KIAA0319L: variants seen among roughly 807,000 people sequenced by gnomAD.
The protein encoded by KIAA0319L is KIAA0319 like, also known as dyslexia-associated protein KIAA0319-like protein.
In KIAA0319L, 55 loss-of-function variants were observed where a neutral mutation model predicts 120.1. The ratio of observed to expected loss-of-function variants is 0.46; its 90% CI spans 0.37 to 0.57. The LOEUF (loss-of-function observed/expected upper bound fraction) is 0.57. KIAA0319L is among the 20% of genes least tolerant of loss of function. The pLI is 0.00. For missense variants in KIAA0319L, 1,049 were observed against 1,255.3 expected (o/e 0.84, Z 2.48); for synonymous variants, 398 against 471.9 (o/e 0.84, Z 2.03).
intron 9 of KIAA0319L, among the ~76,000 whole-genome samples, chr1:35,460,035 A>G (rs956252478): frequency 2.0e-5 from 3 of 152,186 alleles, no homozygotes; most frequent in Admixed American, 6.5e-5. Flanking sequence ...AATCCTAAAA[A>G]AAATTTTTGG....
intron 2 of KIAA0319L, among the ~76,000 whole-genome samples, chr1:35,549,877 T>C (rs897014727): frequency 9.9e-5 from 15 of 152,238 alleles, no homozygotes; most frequent in East Asian, 3.8e-4. Flanking sequence ...GCATCTACTA[T>C]GTGCCTTGGT....
intron 10 of KIAA0319L, 162 bp from the exon 11 acceptor site, chr1:35,454,647 A>T (rs773784303): frequency 9.2e-6 from 13 of 1,410,854 alleles, no homozygotes; most frequent in African/African-American, 1.4e-5. Context: ...GGAGTCAGAT[A>T]TCATGAGGCA....
intron 13 of KIAA0319L, among the ~76,000 whole-genome samples, chr1:35,451,144 T>C (rs1049986969): frequency 2.6e-5 from 4 of 152,204 alleles, no homozygotes; most frequent in Non-Finnish European, 5.9e-5. Context: ...CTGGTCACTG[T>C]GCCTGTAAAC....
At chr1:35,435,136 A>T (rs1359403119) in intron 20 of KIAA0319L, 55 bp from the exon 21 acceptor site, 1 of 1,501,952 alleles carries the variant, frequency 6.7e-7, no homozygotes, top group Non-Finnish European at 9.2e-7. Context: ...GGCTGGAGCC[A>T]CCCCCACACC....
chr1:35,479,053 C>A lies in KIAA0319L; in HGVS notation c.826G>T (p.Ala276Ser). ...GAGGGAGCCACTGGCTGGGGGACAG[C>A]AATCTGGGTTTTCTCAGAACTTTTT... ...QVKSSEKTQI[A>S]VPQPVAPSYS... Residue 276 changes from alanine to serine, a missense_variant, in exon 4 of 21, where the codon GCT (alanine) becomes TCT (serine). Coordinates refer to ENST00000325722, the MANE Select transcript of KIAA0319L (RefSeq NM_024874.5). The A allele has an allele frequency of 6.8e-6, 11 of 1,614,144 alleles. No homozygotes were observed. Among genetic ancestry groups the A allele is most frequent in the Non-Finnish European group, 8.5e-6 (10 of 1,180,016 alleles).
In KIAA0319L at chr1:35,449,887, G is replaced by T. The variant is rs749008043; in HGVS notation, c.2333C>A (p.Thr778Asn). ...CTCACCAGGTTTCACCTCCACAGTG[G>T]TCCGGTCTGTGTCACTCTCACCCTT... ...DAKGESDTDR[T>N]TVEVKPDPRK... Residue 778 changes from threonine (T) to asparagine (N), a missense_variant, in exon 15 of 21, where the codon ACC (threonine) becomes AAC (asparagine). By Grantham distance (65) the Thr-to-Asn change is moderately conservative (BLOSUM62 0). Transcript: ENST00000325722. The T allele has an allele frequency of 6.2e-7, 1 of 1,614,090 alleles. No individual in the cohort carries two copies. The highest frequency in any genetic ancestry group is 1.7e-5 in the Admixed American group (1 of 60,018).
At chr1:35,491,042 A>T (rs1157618717) in intron 3 of KIAA0319L, among the ~76,000 whole-genome samples, 2 of 152,204 alleles carry the variant, frequency 1.3e-5, no homozygotes, top group East Asian at 3.8e-4. Flanking sequence ...TCTTTTCTTC[A>T]TCAATTACCC....
At chr1:35,543,573 A>G (rs1286391937) in intron 2 of KIAA0319L, among the ~76,000 whole-genome samples, 3 of 152,252 alleles carry the variant, frequency 2.0e-5, no homozygotes, top group Non-Finnish European at 2.9e-5. Context: ...TCTTAAAGGA[A>G]AAAGACACCA....
chr1:35,550,758 C>T (rs1166880757), intron 2 of KIAA0319L, among the ~76,000 whole-genome samples: 2 of 152,020 alleles, frequency 1.3e-5, no homozygotes, highest in Non-Finnish European at 2.9e-5. Flanking sequence ...TCTAAAGAGA[C>T]AGGGCCTCAC....
chr1:35,501,050 A>G (rs1251163962), intron 3 of KIAA0319L, among the ~76,000 whole-genome samples: 1 of 152,088 alleles, frequency 6.6e-6, no homozygotes, highest in Non-Finnish European at 1.5e-5. Context: ...CCTGGGGTTC[A>G]TAGTTCAAAT....
rs924657118 is a variant in KIAA0319L, at chr1:35,453,683, T to C, written c.1787A>G (p.Asn596Ser). The change falls in exon 12 of 21, where the codon AAT becomes AGT. Residue 596 changes from asparagine to serine, a missense_variant. Physicochemically the swap from Asn to Ser is conservative, Grantham distance 46. Transcript: ENST00000325722. This position sits in a 1 kb window ranked among gnomAD's most constrained non-coding sequence, Gnocchi z 4.1. ...GCCTGCATCTGCCTGAGGAGGCTTA[T>C]TGTTTTCTGGAAGACAAAGAGTTAG... ...QVTVIVQPEN[N>S]KPPQADAGPD... is the part of the protein sequence containing the mutation. 6.2e-7 allele frequency: 1 copy of C among 1,613,200 alleles called. No individual in the cohort carries two copies. Among genetic ancestry groups the C allele is most frequent in the Non-Finnish European group, 8.5e-7 (1 of 1,179,526 alleles).
At chr1:35,538,926 G>A (rs960612737) in intron 2 of KIAA0319L, among the ~76,000 whole-genome samples, 1 of 151,806 alleles carries the variant, frequency 6.6e-6, no homozygotes, top group African/African-American at 2.4e-5. Flanking sequence ...AAATTATCTA[G>A]TATAGACTAT....
rs766656209 is a variant in KIAA0319L, at chr1:35,507,057, C to T, written c.221G>A (p.Trp74Ter). The change falls in exon 3 of 21, where the codon TGG becomes TAG. Residue 74 changes from tryptophan to a stop codon, truncating the protein, a stop_gained. Transcript: ENST00000325722. LOFTEE classifies it high-confidence loss of function. ...GAGAGAGGGGGTTCCTTCAAGAAGCCAGAGGTGATTTTCTCCCCCAGATCT... is the reference window on the plus strand; with the variant it reads ...GAGAGAGGGGGTTCCTTCAAGAAGCTAGAGGTGATTTTCTCCCCCAGATCT... ...GLRSGGENHL[W>*]LLEGTPSLQS... 2.5e-6 allele frequency: 4 copies of T among 1,587,886 alleles called. No homozygotes were observed. Among genetic ancestry groups the T allele is most frequent in the Non-Finnish European group, 3.4e-6 (4 of 1,167,814 alleles).
intron 2 of KIAA0319L, among the ~76,000 whole-genome samples, chr1:35,523,717 C>T (rs914898929): frequency 2.6e-5 from 4 of 152,146 alleles, no homozygotes; most frequent in Admixed American, 6.5e-5. Flanking sequence ...GACATTAACC[C>T]TACCTCCCAA....
chr1:35,476,877 A>G (rs1423521619), intron 4 of KIAA0319L, among the ~76,000 whole-genome samples: 1 of 152,252 alleles, frequency 6.6e-6, no homozygotes, highest in East Asian at 1.9e-4. Context: ...ATAAAGACCA[A>G]CTTAGTTTCT....
rs148864833 is a variant in KIAA0319L at position 35,477,379 on chromosome 1, A to G, written c.913+1587T>C. 2.2e-4 allele frequency among the ~76,000 whole-genome samples: 33 copies of G among 152,302 alleles called. No individual in the cohort carries two copies. In the East Asian group the frequency reaches 6.4e-3, roughly 29 times the overall value. On this transcript the variant is annotated intron_variant, in intron 4 of 20. Coordinates refer to ENST00000325722, the MANE Select transcript of KIAA0319L (RefSeq NM_024874.5). The stretch of plus-strand genomic sequence containing the variant: ...CAGAGAAATGCAAATAAAAACTACA[A>G]TGAGATGGCCGGGCGCGGTGGCTCA...
At chr1:35,488,682 T>C (rs1289097433) in intron 3 of KIAA0319L, among the ~76,000 whole-genome samples, 5 of 152,052 alleles carry the variant, frequency 3.3e-5, no homozygotes, top group African/African-American at 1.2e-4. Flanking sequence ...CAAAATTGAC[T>C]AAGAAGGAAT....
Position 35,479,225 on chromosome 1 carries a change from A to G in KIAA0319L, c.667-13T>C. On this transcript the variant is annotated splice_polypyrimidine_tract_variant and intron_variant, in intron 3 of 20. Transcript: ENST00000325722. ...TCGCCTTGTGGACCTAAAGAAATAA[A>G]AAAACTAATTTGAGTAGGTAAAAGT... 1 of 1,604,248 alleles carries G rather than the reference A, an allele frequency of 6.2e-7. No individual in the cohort carries two copies. Among genetic ancestry groups the G allele is most frequent in the Non-Finnish European group, 8.5e-7 (1 of 1,173,342 alleles).
intron 3 of KIAA0319L, among the ~76,000 whole-genome samples, chr1:35,501,650 G>A (rs144188306): frequency 6.6e-6 from 1 of 152,152 alleles, no homozygotes; most frequent in East Asian, 1.9e-4. Context: ...GCCGAGGCAG[G>A]CAGATCACCT....
Sources: gnomAD v4.1 joint callset for allele counts (sites outside exome capture counted in the v4.1 genomes callset) on GRCh38, gnomAD v4.1.1 for gene constraint, Gnocchi (gnomAD v3.1) non-coding constraint, MANE v1.5 for transcripts, NCBI Gene and HGNC (gene_info 2026-07-23, HGNC 2026-07-21) for gene names.